The following NOS1AP variants were observed in gnomAD, a reference collection of about 807,000 sequenced individuals.
NOS1AP encodes nitric oxide synthase 1 adaptor protein.
A neutral mutation model predicts 56.2 loss-of-function variants in NOS1AP; 21 were observed. The observed-to-expected ratio is 0.37, with a 90% CI of 0.26 to 0.54. NOS1AP has a LOEUF of 0.54. NOS1AP is among the 20% of genes least tolerant of loss of function. The pLI, the probability that NOS1AP is intolerant of heterozygous loss-of-function variation, is 0.84. For missense variants in NOS1AP, 522 were observed against 657.8 expected (o/e 0.79, Z 2.26); for synonymous variants, 270 against 274.6 (o/e 0.98, Z 0.17).
In NOS1AP at chr1:162,370,194, T is replaced by G. The variant is rs1647354894; in HGVS notation, c.*2727T>G. ...ATATTGAGATTAAAAATTATATTCC[T>G]TATATTCCTGCTTATATCAATGCTC... On this transcript the variant is annotated 3_prime_UTR_variant, in exon 10 of 10. Transcript: ENST00000361897. The G allele has an allele frequency of 6.6e-6, 1 of 152,344 alleles. No individual in the cohort carries two copies. Among genetic ancestry groups the G allele is most frequent in the Middle Eastern group, 3.4e-3 (1 of 294 alleles). The allele number at this position is 152,344 out of a possible 1,614,324, so 9.4% of individuals were successfully genotyped here.
chr1:162,146,542 C>A (rs949969805), intron 1 of NOS1AP, among the ~76,000 whole-genome samples: 2 of 152,106 alleles, frequency 1.3e-5, no homozygotes, highest in Non-Finnish European at 2.9e-5. Context: ...GCTTTTCTGC[C>A]TGAGCTCCAG....
At chr1:162,078,159 T>A (rs1570991054) in intron 1 of NOS1AP, among the ~76,000 whole-genome samples, 2 of 152,284 alleles carry the variant, frequency 1.3e-5, no homozygotes. Flanking sequence ...GGATTCTATC[T>A]ACTCCCACTC....
At chr1:162,128,563 C>T (rs1296694144) in intron 1 of NOS1AP, among the ~76,000 whole-genome samples, 2 of 152,124 alleles carry the variant, frequency 1.3e-5, no homozygotes, top group African/African-American at 2.4e-5. Flanking sequence ...TTATTCAACA[C>T]ACCTTAACAA....
chr1:162,159,638 C>T (rs1650116382), intron 2 of NOS1AP, among the ~76,000 whole-genome samples: 1 of 152,162 alleles, frequency 6.6e-6, no homozygotes, highest in South Asian at 2.1e-4. Flanking sequence ...TGTGGCACCA[C>T]ACCCCTCTTT....
intron 4 of NOS1AP, among the ~76,000 whole-genome samples, chr1:162,325,957 T>C (rs1401938404): frequency 2.6e-5 from 4 of 152,114 alleles, no homozygotes; most frequent in Non-Finnish European, 5.9e-5. Context: ...CTCTTTGTTT[T>C]TCCACTTGAC....
At chr1:162,096,505 G>A (rs1402996242) in intron 1 of NOS1AP, among the ~76,000 whole-genome samples, 3 of 152,060 alleles carry the variant, frequency 2.0e-5, no homozygotes, top group Admixed American at 6.6e-5. Flanking sequence ...GAAAAAATAT[G>A]TATAATTGAA....
At chr1:162,220,968 A>G (rs1477968145) in intron 2 of NOS1AP, among the ~76,000 whole-genome samples, 2 of 152,152 alleles carry the variant, frequency 1.3e-5, no homozygotes, top group African/African-American at 4.8e-5. Flanking sequence ...TTTGAGACAG[A>G]GTCTCACTCT....
At chr1:162,240,189 G>T (rs963946541) in intron 2 of NOS1AP, among the ~76,000 whole-genome samples, 1 of 151,942 alleles carries the variant, frequency 6.6e-6, no homozygotes, top group Non-Finnish European at 1.5e-5. Context: ...GAACAGAGGG[G>T]CCTCACTGAC....
intron 3 of NOS1AP, among the ~76,000 whole-genome samples, chr1:162,294,879 C>T (rs1282167325): frequency 1.3e-5 from 2 of 152,214 alleles, no homozygotes; most frequent in African/African-American, 4.8e-5. Flanking sequence ...CCTCCCCACT[C>T]ACAATTTTTT....
intron 1 of NOS1AP, among the ~76,000 whole-genome samples, chr1:162,115,640 C>A (rs779153189): frequency 2.0e-5 from 3 of 152,078 alleles, no homozygotes; most frequent in Non-Finnish European, 2.9e-5. Context: ...GTCCAATGTG[C>A]GTTTTGCCAA....
At chr1:162,353,423 C>T (rs970320819) in intron 6 of NOS1AP, among the ~76,000 whole-genome samples, 1 of 152,136 alleles carries the variant, frequency 6.6e-6, no homozygotes, top group African/African-American at 2.4e-5. Flanking sequence ...CTGGCGAGGC[C>T]CTGTCCAAAC....
At chr1:162,320,080 G>T (rs1056444403) in intron 4 of NOS1AP, among the ~76,000 whole-genome samples, 15 of 152,104 alleles carry the variant, frequency 9.9e-5, no homozygotes, top group Non-Finnish European at 1.5e-5. Flanking sequence ...TACCCCCTGA[G>T]CTCCTCAGGG....
chr1:162,189,859 G>A (rs1368396377), intron 2 of NOS1AP, among the ~76,000 whole-genome samples: 2 of 152,170 alleles, frequency 1.3e-5, no homozygotes, highest in Admixed American at 1.3e-4. Flanking sequence ...TATTGCCAAT[G>A]AGCCAGGCTT....
intron 2 of NOS1AP, among the ~76,000 whole-genome samples, chr1:162,228,760 C>T (rs747947130): frequency 2.6e-4 from 40 of 152,106 alleles, no homozygotes; most frequent in Non-Finnish European, 4.9e-4. Context: ...ATCGTTCAGA[C>T]CCTCAAATTA....
At chr1:162,337,482 T>G (rs1656977992) in intron 5 of NOS1AP, among the ~76,000 whole-genome samples, 1 of 151,800 alleles carries the variant, frequency 6.6e-6, no homozygotes, top group Non-Finnish European at 1.5e-5. Flanking sequence ...AAAGAGTCTG[T>G]TTTTTATACT....
chr1:162,189,628 G>C (rs1651555104), intron 2 of NOS1AP, among the ~76,000 whole-genome samples: 1 of 152,114 alleles, frequency 6.6e-6, no homozygotes, highest in Admixed American at 6.5e-5. Context: ...ATGTTCAAAT[G>C]GGAAAGTCTG....
chr1:162,170,416 G>T (rs1650708821), intron 2 of NOS1AP, among the ~76,000 whole-genome samples: 1 of 152,214 alleles, frequency 6.6e-6, no homozygotes, highest in Admixed American at 6.5e-5. Flanking sequence ...AGAGCTGGGG[G>T]TCCACCTGGG....
At chr1:162,231,197 A>G (rs1449038337) in intron 2 of NOS1AP, among the ~76,000 whole-genome samples, 1 of 152,190 alleles carries the variant, frequency 6.6e-6, no homozygotes, top group Admixed American at 6.5e-5. Flanking sequence ...GTAAAGTGGC[A>G]TCTCCTTATA....
chr1:162,257,432 T>A (rs1654066224), intron 2 of NOS1AP, among the ~76,000 whole-genome samples: 1 of 151,990 alleles, frequency 6.6e-6, no homozygotes, highest in Non-Finnish European at 1.5e-5. Flanking sequence ...GTGGATCACC[T>A]GAGGTTGGGA....
Sources: gnomAD v4.1 joint callset for allele counts (sites outside exome capture counted in the v4.1 genomes callset) on GRCh38, gnomAD v4.1.1 for gene constraint, MANE v1.5 for transcripts, NCBI Gene and HGNC (gene_info 2026-07-23, HGNC 2026-07-21) for gene names.